EYS: variants seen among roughly 807,000 people sequenced by gnomAD.
EYS encodes EGF-like photoreceptor maintenance factor, also known as protein eyes shut homolog.
Under a neutral mutation model 282.1 loss-of-function variants are expected in EYS, and 250 were observed. That is an observed-to-expected ratio of 0.89 (90% confidence interval 0.80 to 0.98). The LOEUF is 0.98. Among genes scored for constraint, EYS ranks in the 50% least tolerant of loss-of-function variants. EYS has a pLI of 0.00. For missense variants in EYS, 4,016 were observed against 3,709.0 expected, an observed-to-expected ratio of 1.08 and a Z score of -2.15; for synonymous variants, 1,355 against 1,282.9, an observed-to-expected ratio of 1.06 and a Z score of -1.20.
At position 65,067,950 on chromosome 6, in the gene EYS, T is replaced by G. The variant is rs189452396; in HGVS notation, c.2024-10223A>C. On this transcript the variant is annotated intron_variant, in intron 12 of 42. Coordinates refer to ENST00000503581, the MANE Select transcript of EYS (RefSeq NM_001142800.2). Reference sequence around the variant, plus strand: ...ATTAATTCTATCACATGCTAGCAGGTTAATAGTGTGAAGGTAGGGTTAATA... The same window carrying G: ...ATTAATTCTATCACATGCTAGCAGGGTAATAGTGTGAAGGTAGGGTTAATA... Among the ~76,000 whole-genome samples, 11 of 152,220 alleles carry G rather than the reference T, an allele frequency of 7.2e-5. No individual in the cohort carries two copies. In the East Asian group the frequency reaches 1.7e-3, roughly 24 times the overall value.
intron 33 of EYS, among the ~76,000 whole-genome samples, chr6:64,046,035 TATATATGTAACATA>T (rs1291582109): frequency 6.8e-6 from 1 of 147,896 alleles, no homozygotes; most frequent in Non-Finnish European, 1.5e-5. Context: ...TTATATATTT[TATATATGTAACATA>T]ATATATGTAT....
At chr6:64,402,022 T>A (rs1582706310) in intron 28 of EYS, among the ~76,000 whole-genome samples, 1 of 152,164 alleles carries the variant, frequency 6.6e-6, no homozygotes, top group South Asian at 2.1e-4. Context: ...AGTCTCTTAG[T>A]TATCTTACCA....
intron 22 of EYS, among the ~76,000 whole-genome samples, chr6:64,731,272 G>A (rs1008408107): frequency 6.6e-6 from 1 of 152,114 alleles, no homozygotes; most frequent in East Asian, 1.9e-4. Flanking sequence ...AGCCCCAGTT[G>A]ACATATGGGA....
intron 22 of EYS, among the ~76,000 whole-genome samples, chr6:64,781,276 C>A (rs558897487): frequency 2.0e-5 from 3 of 151,978 alleles, no homozygotes; most frequent in Admixed American, 1.3e-4. Context: ...CCACCACAGA[C>A]CTATTGAATC....
intron 35 of EYS, among the ~76,000 whole-genome samples, chr6:63,872,374 ATGTG>A (rs1373867522): frequency 2.0e-5 from 3 of 148,862 alleles, no homozygotes; most frequent in Non-Finnish European, 4.5e-5. Context: ...GTGTGTGTGT[ATGTG>A]TGTGAGTGTA....
chr6:64,130,326 T>C (rs1359309035), intron 31 of EYS, among the ~76,000 whole-genome samples: 1 of 152,152 alleles, frequency 6.6e-6, no homozygotes, highest in African/African-American at 2.4e-5. Flanking sequence ...TCATGTCCTT[T>C]GTAGGGACAT....
intron 26 of EYS, among the ~76,000 whole-genome samples, chr6:64,483,887 A>G (rs1430146026): frequency 6.6e-6 from 1 of 151,630 alleles, no homozygotes; most frequent in Non-Finnish European, 1.5e-5. Context: ...TCTAACATGT[A>G]TTGTCTTATT....
At chr6:65,166,989 C>G (rs901521533) in intron 12 of EYS, among the ~76,000 whole-genome samples, 1 of 150,946 alleles carries the variant, frequency 6.6e-6, no homozygotes, top group African/African-American at 2.4e-5. Context: ...AAAACCATAA[C>G]GAAATACCCC....
At chr6:65,108,758 T>C (rs1189227930) in intron 12 of EYS, among the ~76,000 whole-genome samples, 1 of 152,188 alleles carries the variant, frequency 6.6e-6, no homozygotes, top group Non-Finnish European at 1.5e-5. Flanking sequence ...GTCCAGTTTA[T>C]GATATGTTCA....
rs151311807 is a variant in EYS at position 64,988,678 on chromosome 6, C to T, written c.2259+8904G>A. Among the ~76,000 whole-genome samples, 408 of 151,574 alleles carry T rather than the reference C, an allele frequency of 2.7e-3. 1 individual carries two copies. Among genetic ancestry groups the T allele is most frequent in the Non-Finnish European group, 3.4e-3 (233 of 67,688 alleles). ...ATATTATAGAGCATAACCTCATCCTCAAAGAATTGACATTAGTGGTTAAAG... is the reference window on the plus strand; with the variant it reads ...ATATTATAGAGCATAACCTCATCCTTAAAGAATTGACATTAGTGGTTAAAG... On this transcript the variant is annotated intron_variant, in intron 14 of 42. Transcript: ENST00000503581.
chr6:63,793,143 G>T (rs1404350188), intron 37 of EYS, among the ~76,000 whole-genome samples: 1 of 152,168 alleles, frequency 6.6e-6, no homozygotes, highest in Non-Finnish European at 1.5e-5. Context: ...GGGAGTGGTG[G>T]TCTAAGAAAC....
intron 22 of EYS, among the ~76,000 whole-genome samples, chr6:64,740,422 G>A (rs1772330973): frequency 6.6e-6 from 1 of 152,096 alleles, no homozygotes; most frequent in African/African-American, 2.4e-5. Context: ...TATTCACCTT[G>A]GAGAACAGGT....
intron 12 of EYS, among the ~76,000 whole-genome samples, chr6:65,100,098 G>A (rs1774850349): frequency 6.6e-6 from 1 of 150,830 alleles, no homozygotes; most frequent in Admixed American, 6.6e-5. Context: ...TATTTACAAT[G>A]AACCAGAGAT....
chr6:65,116,222 C>A (rs1169817745), intron 12 of EYS, among the ~76,000 whole-genome samples: 3 of 152,004 alleles, frequency 2.0e-5, no homozygotes, highest in Non-Finnish European at 4.4e-5. Context: ...CTATAATATG[C>A]CAAACATTCA....
chr6:64,887,489 AACT>A (rs1767134881), intron 18 of EYS, among the ~76,000 whole-genome samples: 1 of 152,048 alleles, frequency 6.6e-6, no homozygotes, highest in Non-Finnish European at 1.5e-5. Context: ...AACTGATCGA[AACT>A]GTATACTTAG....
intron 26 of EYS, among the ~76,000 whole-genome samples, chr6:64,582,813 A>G (rs1028604584): frequency 1.3e-5 from 2 of 152,184 alleles, no homozygotes; most frequent in Non-Finnish European, 2.9e-5. Context: ...GATCTGGAAT[A>G]GTACAAACTA....
chr6:64,847,188 A>G (rs1457422262), intron 19 of EYS, among the ~76,000 whole-genome samples: 1 of 151,870 alleles, frequency 6.6e-6, no homozygotes, highest in Non-Finnish European at 1.5e-5. Flanking sequence ...ATCCTCTGTA[A>G]TTGCAGGAGA....
intron 2 of EYS, among the ~76,000 whole-genome samples, chr6:65,612,165 G>T (rs354384): frequency 0.07 from 10,496 of 150,916 alleles, 609 homozygotes; most frequent in East Asian, 0.16. Context: ...AACGGTGCTT[G>T]GATTGGCATG....
intron 8 of EYS, among the ~76,000 whole-genome samples, chr6:65,359,784 A>C (rs1045243783): frequency 2.0e-5 from 3 of 151,974 alleles, no homozygotes; most frequent in African/African-American, 7.2e-5. Flanking sequence ...TTTACCACAT[A>C]TGTGAATTCA....
Sources: gnomAD v4.1 joint callset for allele counts (sites outside exome capture counted in the v4.1 genomes callset) on GRCh38, gnomAD v4.1.1 for gene constraint, MANE v1.5 for transcripts, NCBI Gene and HGNC (gene_info 2026-07-23, HGNC 2026-07-21) for gene names.